The following TCF25 variants were observed in gnomAD, a reference collection of about 807,000 sequenced individuals.
TCF25 encodes the protein TCF25 ribosome quality control complex subunit.
A neutral mutation model predicts 83.1 loss-of-function variants in TCF25; 41 were observed. The observed-to-expected ratio is 0.49, with a 90% confidence interval of 0.38 to 0.64. The LOEUF is 0.64. Among genes scored for constraint, TCF25 ranks in the 30% least tolerant of loss-of-function variants. The pLI is 0.00. For missense variants in TCF25, 979 were observed against 914.5 expected (o/e 1.07, Z -0.91); for synonymous variants, 458 against 365.0 (o/e 1.25, Z -2.90).
intron 16 of TCF25, chr16:89,910,343 C>G (rs538320443): frequency 2.0e-4 from 113 of 554,412 alleles, no homozygotes; most frequent in Non-Finnish European, 4.2e-5. Flanking sequence ...GGACGCCACG[C>G]CTGCCTCAGC....
chr16:89,874,075 G>A (rs922835087), intron 1 of TCF25, among the ~76,000 whole-genome samples: 15 of 147,562 alleles, frequency 1.0e-4, no homozygotes, highest in African/African-American at 3.5e-4. Context: ...CGCGGAGTTA[G>A]ACTGGGTTCT....
intron 14 of TCF25, 68 bp from the exon 15 acceptor site, chr16:89,906,126 G>C (rs769903519): frequency 1.9e-5 from 26 of 1,403,728 alleles, no homozygotes; most frequent in Non-Finnish European, 2.3e-5. Flanking sequence ...GGGGGCCGAG[G>C]CTCCATGGCG....
intron 1 of TCF25, 78 bp downstream of exon 1, chr16:89,873,937 G>C: frequency 7.0e-7 from 1 of 1,437,776 alleles, no homozygotes; most frequent in Non-Finnish European, 9.1e-7. Context: ...AGCCGGGTCG[G>C]GGAGCGGGGT....
At chr16:89,906,966 T>G (rs1464875003) in intron 15 of TCF25, among the ~76,000 whole-genome samples, 2 of 152,098 alleles carry the variant, frequency 1.3e-5, no homozygotes, top group Non-Finnish European at 2.9e-5. Context: ...GAGCGGCACG[T>G]GACCCCCTTC....
chr16:89,901,477 G>T (rs1220428667), intron 12 of TCF25, among the ~76,000 whole-genome samples: 2 of 146,324 alleles, frequency 1.4e-5, no homozygotes, highest in African/African-American at 5.0e-5. Flanking sequence ...CGGGCGCGGT[G>T]GCTCACGCCT....
At chr16:89,882,315 G>A (rs1004119015) in intron 1 of TCF25, among the ~76,000 whole-genome samples, 3 of 151,826 alleles carry the variant, frequency 2.0e-5, no homozygotes, top group South Asian at 2.1e-4. Context: ...CAGGAGGATC[G>A]CTTGAGGTCA....
chr16:89,892,151 G>T lies in TCF25; in HGVS notation c.615-42G>T, dbSNP rs541934301. 7.8e-6 allele frequency: 12 copies of T among 1,544,360 alleles called. 1 individual carries two copies. In the South Asian group the frequency reaches 1.4e-4, roughly 18 times the overall value. ...GGCAGCCAAGCCTTGGTCCCCACAC[G>T]CCACAGGAAGTAAAGCTGTACCTGT... On this transcript the variant is annotated intron_variant, in intron 5 of 17. Transcript: ENST00000263346.
chr16:89,901,129 G>T (rs2044289171), intron 12 of TCF25: 1 of 227,430 alleles, frequency 4.4e-6, no homozygotes. Flanking sequence ...GAAGGTCTCG[G>T]CAGCGCCGAG....
chr16:89,900,866 G>T (rs986934564), intron 12 of TCF25, 72 bp downstream of exon 12: 1 of 1,415,156 alleles, frequency 7.1e-7, no homozygotes. Context: ...CTTCCTGGTG[G>T]TGGAGGCCAG....
In TCF25 at chr16:89,876,927, T is replaced by TA. The variant is rs71137687; in HGVS notation, c.192+3093dup. On this transcript the variant is annotated intron_variant, in intron 1 of 17. Transcript: ENST00000263346. ...CTGGGCAACAGAGCGAGACTCCATC[T>TA]AAAAAAAAAAAAAAAAAAAAAAAAA... Among the ~76,000 whole-genome samples the TA allele has an allele frequency of 8.1e-3, 548 of 67,988 alleles. 8 individuals are homozygous for TA. Among genetic ancestry groups the TA allele is most frequent in the Admixed American group, 0.012 (67 of 5,542 alleles). 44.6% of individuals were successfully genotyped at this position (67,988 alleles called of 152,430 possible).
intron 1 of TCF25, 120 bp from the exon 2 acceptor site, chr16:89,883,231 G>T: frequency 7.4e-7 from 1 of 1,357,036 alleles, no homozygotes; most frequent in South Asian, 1.4e-5. Context: ...CCCGTCCAGC[G>T]TCTCGCACTG....
intron 4 of TCF25, among the ~76,000 whole-genome samples, chr16:89,886,598 A>C (rs896501032): frequency 2.0e-5 from 3 of 152,080 alleles, no homozygotes; most frequent in Non-Finnish European, 4.4e-5. Context: ...CCCCATCTCT[A>C]GTAAAAGTAC....
intron 1 of TCF25, among the ~76,000 whole-genome samples, chr16:89,878,043 C>A (rs2042322158): frequency 6.6e-6 from 1 of 152,088 alleles, no homozygotes; most frequent in African/African-American, 2.4e-5. Context: ...TTTGGGAGGT[C>A]AAGGCAGATC....
Position 89,885,828 on chromosome 16 carries a change from G to A in TCF25, c.430-20G>A, listed in dbSNP as rs779253366. ...AATAATGTCAGTGTGGTGATTAAGA[G>A]GTTGTTTTGGGGCTTTTAGGAAAAC... is the stretch of plus-strand genomic sequence containing the variant. On this transcript the variant is annotated intron_variant, in intron 3 of 17. Coordinates refer to ENST00000263346, the MANE Select transcript of TCF25 (RefSeq NM_014972.3). The A allele has an allele frequency of 1.3e-6, 2 of 1,569,168 alleles. No homozygotes were observed. Among genetic ancestry groups the A allele is most frequent in the Non-Finnish European group, 1.8e-6 (2 of 1,139,954 alleles).
At chr16:89,876,435 T>C (rs1374879127) in intron 1 of TCF25, among the ~76,000 whole-genome samples, 1 of 152,162 alleles carries the variant, frequency 6.6e-6, no homozygotes, top group African/African-American at 2.4e-5. Flanking sequence ...TTTTAAAAAA[T>C]TTTATTTATT....
At chr16:89,895,909 CTTG>C (rs969579531) in intron 8 of TCF25, 78 bp from the exon 9 acceptor site, 32 of 1,320,134 alleles carry the variant, frequency 2.4e-5, no homozygotes, top group African/African-American at 1.0e-4. Flanking sequence ...CAGACCTTTC[CTTG>C]TTGTCCATTA....
intron 4 of TCF25, among the ~76,000 whole-genome samples, chr16:89,886,439 A>G (rs573637875): frequency 4.4e-4 from 65 of 149,162 alleles, no homozygotes; most frequent in Non-Finnish European, 7.6e-4. Context: ...AAAAAATAAT[A>G]ATAATAATAA....
Position 89,893,913 on chromosome 16 carries a change from C to T in TCF25, c.828+55C>T, listed in dbSNP as rs2043621536. 10 of 1,548,154 alleles carry T rather than the reference C, an allele frequency of 6.5e-6. No homozygotes were observed. In the South Asian group the frequency reaches 1.1e-4, roughly 16 times the overall value. ...GCAGGGGCCATGTAGCCACCACTGC[C>T]CTGGGCCGCCTGCTTCCCTGGTGGC... On this transcript the variant is annotated intron_variant, in intron 7 of 17. Transcript: ENST00000263346.
intron 5 of TCF25, among the ~76,000 whole-genome samples, chr16:89,890,801 G>A (rs539530641): frequency 1.1e-4 from 16 of 151,902 alleles, no homozygotes; most frequent in East Asian, 1.9e-4. Flanking sequence ...CTGATTACTC[G>A]TAGTAATTAG....
Sources: allele counts gnomAD v4.1 joint callset (sites outside exome capture counted in the v4.1 genomes callset), GRCh38; gene constraint gnomAD v4.1.1; transcripts MANE v1.5; gene names NCBI Gene and HGNC (gene_info 2026-07-23, HGNC 2026-07-21).